SGPP1: variants seen among roughly 807,000 people sequenced by gnomAD.
SGPP1 encodes the protein hSPP1.
SGPP1 carries 21 observed loss-of-function variants against 33.0 expected under a neutral mutation model. The observed-to-expected ratio is 0.64, with a 90% CI of 0.45 to 0.92. The LOEUF is 0.92. Ranked by LOEUF, SGPP1 falls within the 40% of genes least tolerant of loss-of-function variation. SGPP1 has a pLI of 0.00. For synonymous variants in SGPP1, 239 were observed against 241.2 expected (o/e 0.99, Z 0.08); for missense variants, 543 against 589.4 (o/e 0.92, Z 0.81).
chr14:63,719,289 G>A (rs899625969), intron 1 of SGPP1, among the ~76,000 whole-genome samples: 13 of 150,790 alleles, frequency 8.6e-5, no homozygotes, highest in Non-Finnish European at 1.3e-4. Context: ...ACAGGTGTGA[G>A]CCACCACGCC....
intron 1 of SGPP1, among the ~76,000 whole-genome samples, chr14:63,705,425 T>A (rs1885389559): frequency 6.6e-6 from 1 of 151,268 alleles, no homozygotes; most frequent in South Asian, 2.1e-4. Context: ...CCCAGCACTT[T>A]GGGGGGCCGA....
chr14:63,709,587 T>C (rs1014949702), intron 1 of SGPP1, among the ~76,000 whole-genome samples: 2 of 152,204 alleles, frequency 1.3e-5, no homozygotes, highest in Non-Finnish European at 1.5e-5. Context: ...TGTTTTCATT[T>C]TCATAGAGAA....
rs551996041 is a variant in SGPP1, at chr14:63,702,397, ATTTT to A, written c.685-3743_685-3740del. ...TCCACCTTTATGATATGTTCTCTAG[ATTTT>A]TTTATGGAAAAAAAATATTTTGGGG... On this transcript the variant is annotated intron_variant, in intron 1 of 2. Coordinates refer to ENST00000247225, the MANE Select transcript of SGPP1 (RefSeq NM_030791.4). Among the ~76,000 whole-genome samples the A allele has an allele frequency of 1.5e-3, 229 of 151,980 alleles. 1 individual carries two copies. Among genetic ancestry groups the A allele is most frequent in the African/African-American group, 5.4e-3 (223 of 41,448 alleles).
rs749330071 is a variant in SGPP1, at chr14:63,686,518, A to G, written c.913T>C (p.Phe305Leu). Residue 305 changes from phenylalanine to leucine, a missense_variant, in exon 3 of 3, where the codon TTT becomes CTT. Transcript: ENST00000247225. ...IIGLHLALGIFSFTLDTWSTS... is the reference protein window; with the variant it reads ...IIGLHLALGILSFTLDTWSTS... ...CTCCAGGTGTCAAGAGTGAAAGAAA[A>G]GATCCCCAAAGCTAAATGAAGCCCG... is the stretch of plus-strand genomic sequence containing the variant. The G allele has an allele frequency of 3.7e-6, 6 of 1,614,086 alleles. No individual in the cohort carries two copies. Among genetic ancestry groups the G allele is most frequent in the Admixed American group, 3.3e-5 (2 of 60,020 alleles).
intron 2 of SGPP1, among the ~76,000 whole-genome samples, chr14:63,694,480 GA>G (rs34074606): frequency 1.5e-3 from 227 of 148,798 alleles, no homozygotes; most frequent in African/African-American, 5.3e-3. Flanking sequence ...GTCTGACCAG[GA>G]AAAAAAAACA....
rs370691997 is a variant in SGPP1 at position 63,727,274 on chromosome 14, T to C, written c.671A>G (p.Tyr224Cys). 16 of 1,611,078 alleles carry C rather than the reference T, an allele frequency of 9.9e-6. No individual in the cohort carries two copies. Among genetic ancestry groups the C allele is most frequent in the Non-Finnish European group, 1.4e-5 (16 of 1,178,128 alleles). Reference protein sequence around the residue: ...AIPISMVLLTYGRWQYPLIYG... With the variant: ...AIPISMVLLTCGRWQYPLIYG... ...AAGGAACCCTACCTGCCAGCGGCCA[T>C]AGGTGAGGAGGACCATAGAAATGGG... is the stretch of plus-strand genomic sequence containing the variant. The change falls in exon 1 of 3, where the codon TAT becomes TGT. Residue 224 changes from tyrosine (Y) to cysteine (C), a missense_variant. By Grantham distance (194) the Tyr-to-Cys change is radical. Transcript: ENST00000247225.
intron 1 of SGPP1, among the ~76,000 whole-genome samples, chr14:63,702,901 G>A (rs1280641107): frequency 6.6e-6 from 1 of 152,014 alleles, no homozygotes; most frequent in Non-Finnish European, 1.5e-5. Flanking sequence ...CAGATAAAGT[G>A]ATATTTTTTT....
intron 1 of SGPP1, among the ~76,000 whole-genome samples, chr14:63,726,475 G>A (rs1470895891): frequency 6.6e-6 from 1 of 152,114 alleles, no homozygotes; most frequent in Non-Finnish European, 1.5e-5. Context: ...CTGATTGTCA[G>A]GCTGACCCTG....
intron 1 of SGPP1, among the ~76,000 whole-genome samples, chr14:63,722,798 T>C (rs1885800364): frequency 6.6e-6 from 1 of 151,444 alleles, no homozygotes; most frequent in South Asian, 2.1e-4. Context: ...AAACCCCGTC[T>C]CTATAACAAA....
In SGPP1 at chr14:63,728,040, C is replaced by A; in HGVS notation, c.-96G>T. 1 of 1,307,832 alleles carries A rather than the reference C, an allele frequency of 7.6e-7. No homozygotes were observed. The highest frequency in any genetic ancestry group is 9.8e-7 in the Non-Finnish European group (1 of 1,018,680). 81.0% of individuals were successfully genotyped at this position (1,307,832 alleles called of 1,614,324 possible). Reference sequence around the variant, plus strand: ...GCGGCAGCGGAACCGGCACAGCGCTCTACCCTCCGGAGTCTGCCGGGTGAC... The same window carrying A: ...GCGGCAGCGGAACCGGCACAGCGCTATACCCTCCGGAGTCTGCCGGGTGAC... On this transcript the variant is annotated 5_prime_UTR_variant, in exon 1 of 3. Transcript: ENST00000247225.
intron 1 of SGPP1, among the ~76,000 whole-genome samples, chr14:63,710,260 T>C (rs888327329): frequency 5.3e-5 from 8 of 152,170 alleles, no homozygotes; most frequent in African/African-American, 1.9e-4. Flanking sequence ...GACCCAGCAA[T>C]GCTAGAATTC....
Position 63,686,480 on chromosome 14 carries a change from T to G in SGPP1, c.951A>C (p.Gly317=). 6.2e-7 allele frequency: 1 copy of G among 1,614,076 alleles called. No individual in the cohort carries two copies. The highest frequency in any genetic ancestry group is 8.5e-7 in the Non-Finnish European group (1 of 1,180,016). ...FTLDTWSTSR[G]DTAEILGSGA... ...CACTTCCTAGTATCTCGGCTGTGTC[T>G]CCTCGGGATGTGCTCCAGGTGTCAA... Residue 317 remains glycine (G), a synonymous_variant, in exon 3 of 3, where the codon GGA becomes GGC. Transcript: ENST00000247225.
rs541245228 is a variant in SGPP1 at position 63,687,639 on chromosome 14, G to A, written c.775-983C>T. Among the ~76,000 whole-genome samples, 5 of 152,308 alleles carry A rather than the reference G, an allele frequency of 3.3e-5. No homozygotes were observed. In the South Asian group the frequency reaches 1.0e-3, roughly 32 times the overall value. On this transcript the variant is annotated intron_variant, in intron 2 of 2. Transcript: ENST00000247225. The stretch of plus-strand genomic sequence containing the variant: ...CTATATTTAGAGGCAGAGGAAATGT[G>A]TACCAGGTAGAGGGAATATCAAGTG...
At chr14:63,712,481 G>A (rs1460573053) in intron 1 of SGPP1, among the ~76,000 whole-genome samples, 1 of 152,044 alleles carries the variant, frequency 6.6e-6, no homozygotes, top group Non-Finnish European at 1.5e-5. Flanking sequence ...TGAACACTTG[G>A]CACTAGGGAA....
At chr14:63,700,431 G>A in intron 1 of SGPP1, among the ~76,000 whole-genome samples, 1 of 152,028 alleles carries the variant, frequency 6.6e-6, no homozygotes, top group South Asian at 2.1e-4. Context: ...ATCCAAATGA[G>A]AAACATGAAT....
rs946687697 is a variant in SGPP1, at chr14:63,727,413, T to C, written c.532A>G (p.Lys178Glu). The C allele has an allele frequency of 1.2e-6, 2 of 1,613,898 alleles. No individual in the cohort carries two copies. Among genetic ancestry groups the C allele is most frequent in the African/African-American group, 1.3e-5 (1 of 74,898 alleles). Reference sequence around the variant, plus strand: ...GGCCTCGGCCAGCGGATGATGTCCTTGGTGCACTGGCCCAGGTACATGACC... The same window carrying C: ...GGCCTCGGCCAGCGGATGATGTCCTCGGTGCACTGGCCCAGGTACATGACC... ...VLVMYLGQCTKDIIRWPRPAS... is the reference protein window; with the variant it reads ...VLVMYLGQCTEDIIRWPRPAS... The change falls in exon 1 of 3, where the codon AAG becomes GAG. Residue 178 changes from lysine (K) to glutamate (E), a missense_variant. By Grantham distance (56) the Lys-to-Glu change is moderately conservative. Transcript: ENST00000247225.
At chr14:63,708,874 T>A (rs1885469992) in intron 1 of SGPP1, among the ~76,000 whole-genome samples, 5 of 152,206 alleles carry the variant, frequency 3.3e-5, no homozygotes, top group Admixed American at 3.3e-4. Context: ...GGATCTGTGA[T>A]TCAAGCACAG....
At chr14:63,720,207 C>G (rs1301511497) in intron 1 of SGPP1, among the ~76,000 whole-genome samples, 1 of 149,948 alleles carries the variant, frequency 6.7e-6, no homozygotes, top group African/African-American at 2.5e-5. Context: ...GCAGGAGGAT[C>G]ATTTGAGCCC....
chr14:63,714,047 T>G (rs945356819), intron 1 of SGPP1, among the ~76,000 whole-genome samples: 1 of 152,230 alleles, frequency 6.6e-6, no homozygotes, highest in South Asian at 2.1e-4. Context: ...CCTTGGATGT[T>G]AGAACTCCAG....
Sources: gnomAD v4.1 joint callset for allele counts (sites outside exome capture counted in the v4.1 genomes callset) on GRCh38, gnomAD v4.1.1 for gene constraint, MANE v1.5 for transcripts, NCBI Gene and HGNC (gene_info 2026-07-23, HGNC 2026-07-21) for gene names.